The following KIAA1549 variants were observed in gnomAD, a reference collection of about 807,000 sequenced individuals.
KIAA1549 encodes the protein UPF0606 protein KIAA1549.
Under a neutral mutation model 156.4 loss-of-function variants are expected in KIAA1549, and 70 were observed. The observed-to-expected ratio is 0.45, with a 90% CI of 0.37 to 0.55. KIAA1549 has a LOEUF of 0.55. Among genes scored for constraint, KIAA1549 ranks in the 20% least tolerant of loss-of-function variants. The pLI is 0.00. For synonymous variants in KIAA1549, 1,103 were observed against 1,066.4 expected, an observed-to-expected ratio of 1.03 and a Z score of -0.67; for missense variants, 2,428 against 2,540.9, an observed-to-expected ratio of 0.96 and a Z score of 0.96.
chr7:138,889,014 G>A (rs1295748135), intron 10 of KIAA1549, among the ~76,000 whole-genome samples: 8 of 152,112 alleles, frequency 5.3e-5, no homozygotes, highest in Admixed American at 4.6e-4. Context: ...GCCTCTAAGC[G>A]AAAGAAAACA....
rs1813621744 is a variant in KIAA1549, at chr7:138,955,070, A to T, written c.187+26013T>A. On this transcript the variant is annotated intron_variant, in intron 1 of 19. Coordinates refer to ENST00000422774, the MANE Select transcript of KIAA1549 (RefSeq NM_001164665.2). ...GGCTCTGCCATGTCTTCATTCAAAC[A>T]CCGATCAGTGTCCTACTATGTGCCA... 2.0e-5 allele frequency among the ~76,000 whole-genome samples: 3 copies of T among 152,076 alleles called. No homozygotes were observed. In the South Asian group the frequency reaches 6.2e-4, roughly 32 times the overall value.
chr7:138,931,699 C>A (rs532701793), intron 1 of KIAA1549, among the ~76,000 whole-genome samples: 1 of 147,954 alleles, frequency 6.8e-6, no homozygotes. Flanking sequence ...TTGCAGTAAG[C>A]CAAGATTGTA....
In KIAA1549 at chr7:138,832,211, T is replaced by TTTTTTTTTTTTTTTTTTTTTTC. The variant is rs1563039507; in HGVS notation, c.*5694_*5695insGAAAAAAAAAAAAAAAAAAAAA. On this transcript the variant is annotated 3_prime_UTR_variant, in exon 20 of 20. Transcript: ENST00000422774. ...TATTCCTTTTTTTTTTTTTTTTTTT[T>TTTTTTTTTTTTTTTTTTTTTTC]CCAGAGACAGGACCTCACCCTGCAG... 5.5e-6 allele frequency: 1 copy of TTTTTTTTTTTTTTTTTTTTTTC among 182,232 alleles called. No individual in the cohort carries two copies. The highest frequency in any genetic ancestry group is 2.7e-5 in the African/African-American group (1 of 36,854). 11.3% of individuals were successfully genotyped at this position (182,232 alleles called of 1,614,324 possible). A position where few individuals can be genotyped will look rare whatever the true frequency, so the allele number is the denominator to read the frequency against.
At chr7:138,911,027 G>T in intron 4 of KIAA1549, 119 bp downstream of exon 4, 1 of 820,658 alleles carries the variant, frequency 1.2e-6, no homozygotes, top group Non-Finnish European at 1.9e-6. Flanking sequence ...CTGAGATCCT[G>T]TCTCTAAAAA....
intron 18 of KIAA1549, among the ~76,000 whole-genome samples, chr7:138,842,564 G>A (rs968789788): frequency 2.0e-5 from 3 of 152,084 alleles, no homozygotes; most frequent in South Asian, 2.1e-4. Flanking sequence ...GCGGGCACCT[G>A]TAATCCTAAT....
In KIAA1549 at chr7:138,903,990, G is replaced by A. The variant is rs546026804; in HGVS notation, c.3521-254C>T. Among the ~76,000 whole-genome samples, 44 of 152,300 alleles carry A rather than the reference G, an allele frequency of 2.9e-4. 4 individuals are homozygous for A. Among genetic ancestry groups the A allele is most frequent in the African/African-American group, 9.9e-4 (41 of 41,570 alleles). ...AGTCCAGGAAATGCAGCCCACAAGAGCTCCAAGCTCTCAGTGTTACCCAGA... is the reference window on the plus strand; with the variant it reads ...AGTCCAGGAAATGCAGCCCACAAGAACTCCAAGCTCTCAGTGTTACCCAGA... On this transcript the variant is annotated intron_variant, in intron 7 of 19. Coordinates refer to ENST00000422774, the MANE Select transcript of KIAA1549 (RefSeq NM_001164665.2).
chr7:138,914,584 T>G (rs1486882036), intron 2 of KIAA1549, among the ~76,000 whole-genome samples: 1 of 152,104 alleles, frequency 6.6e-6, no homozygotes, highest in African/African-American at 2.4e-5. Context: ...ACTCTCTCAC[T>G]AACGGACAAC....
Position 138,871,325 on chromosome 7 carries a change from T to A in KIAA1549, c.4383A>T (p.Ser1461=). 1 of 1,595,344 alleles carries A rather than the reference T, an allele frequency of 6.3e-7. No homozygotes were observed. Among genetic ancestry groups the A allele is most frequent in the Non-Finnish European group, 8.5e-7 (1 of 1,170,542 alleles). The stretch of plus-strand genomic sequence containing the variant: ...CCACGTGCTCGAAGATGGAGGCTGA[T>A]GAGTGCTGCTCATTTCCCGAACTGG... The part of the protein sequence containing the change: ...PLPSSGNEQH[S]SASIFEHVDR... The change falls in exon 13 of 20, where the codon TCA becomes TCT. Residue 1461 remains serine, a synonymous_variant. Coordinates refer to ENST00000422774, the MANE Select transcript of KIAA1549 (RefSeq NM_001164665.2).
chr7:138,943,987 G>T (rs1036582922), intron 1 of KIAA1549, among the ~76,000 whole-genome samples: 9 of 150,378 alleles, frequency 6.0e-5, no homozygotes, highest in African/African-American at 2.2e-4. Context: ...GGGTGGCCTT[G>T]AACTCCTGGG....
At chr7:138,842,693 C>CAAA (rs34144804) in intron 18 of KIAA1549, among the ~76,000 whole-genome samples, 6 of 140,634 alleles carry the variant, frequency 4.3e-5, no homozygotes, top group African/African-American at 1.1e-4. Flanking sequence ...AACTCTGTCT[C>CAAA]AAAAAAAAAA....
chr7:138,881,969 A>T (rs983064168), intron 10 of KIAA1549, among the ~76,000 whole-genome samples: 11 of 152,228 alleles, frequency 7.2e-5, no homozygotes, highest in Admixed American at 6.5e-4. Flanking sequence ...GTTCTAGATC[A>T]TATCAGGAAG....
At chr7:138,844,796 C>T (rs909433740) in intron 17 of KIAA1549, among the ~76,000 whole-genome samples, 81 of 152,024 alleles carry the variant, frequency 5.3e-4, no homozygotes, top group African/African-American at 1.8e-3. Flanking sequence ...CTGGCGGGCC[C>T]GAAAAAATCA....
rs1584973619 is a variant in KIAA1549 at position 138,832,174 on chromosome 7, G to GTCCCTTTT, written c.*5724_*5731dup. On this transcript the variant is annotated 3_prime_UTR_variant, in exon 20 of 20. Transcript: ENST00000422774. ...TCAAGTCACTCAAAATTTCACCTCT[G>GTCCCTTTT]TCCCTTTTACCTATTCCTTTTTTTT... 1 of 186,670 alleles carries GTCCCTTTT rather than the reference G, an allele frequency of 5.4e-6. No homozygotes were observed. The highest frequency in any genetic ancestry group is 7.0e-5 in the East Asian group (1 of 14,364). The allele number at this position is 186,670 out of a possible 1,614,324, so 11.6% of individuals were successfully genotyped here. A position where few individuals can be genotyped will look rare whatever the true frequency, so the allele number is the denominator to read the frequency against.
intron 12 of KIAA1549, among the ~76,000 whole-genome samples, chr7:138,877,446 A>G (rs1422951250): frequency 1.3e-5 from 2 of 152,234 alleles, no homozygotes; most frequent in Non-Finnish European, 2.9e-5. Flanking sequence ...GTGAGCCAAG[A>G]TAGCACCACT....
chr7:138,939,769 C>T (rs904070129), intron 1 of KIAA1549, among the ~76,000 whole-genome samples: 16 of 152,212 alleles, frequency 1.1e-4, no homozygotes, highest in Non-Finnish European at 1.9e-4. Flanking sequence ...CAACTCTTCA[C>T]ATAATGACTA....
At chr7:138,957,549 C>T (rs572260494) in intron 1 of KIAA1549, among the ~76,000 whole-genome samples, 1 of 151,178 alleles carries the variant, frequency 6.6e-6, no homozygotes, top group East Asian at 2.0e-4. Context: ...ATGGTCTCAG[C>T]TCACTGCAAC....
Position 138,966,392 on chromosome 7 carries a change from C to CTA in KIAA1549, c.187+14689_187+14690dup, listed in dbSNP as rs61599396. Among the ~76,000 whole-genome samples, 1,141 of 151,654 alleles carry CTA rather than the reference C, an allele frequency of 7.5e-3. 13 individuals are homozygous for CTA. The highest frequency in any genetic ancestry group is 0.024 in the African/African-American group (998 of 41,336). Reference sequence around the variant, plus strand: ...TAGAGGGACAGAACTAATAGGATAGCTATATATATATACACACAGAGGAGT... The same window carrying CTA: ...TAGAGGGACAGAACTAATAGGATAGCTATATATATATATACACACAGAGGAGT... On this transcript the variant is annotated intron_variant, in intron 1 of 19. Transcript: ENST00000422774.
At position 138,880,684 on chromosome 7, in the gene KIAA1549, C is replaced by A. The variant is rs79558015; in HGVS notation, c.4229+704G>T. On this transcript the variant is annotated intron_variant, in intron 11 of 19. Transcript: ENST00000422774. ...GATGATGGAAAGTCAACTTAATAAACCCGATTCTGAACTCTGTCTTCTTTC... is the reference window on the plus strand; with the variant it reads ...GATGATGGAAAGTCAACTTAATAAAACCGATTCTGAACTCTGTCTTCTTTC... Among the ~76,000 whole-genome samples the A allele has an allele frequency of 2.3e-3, 353 of 152,284 alleles. 5 individuals carry two copies. The East Asian group carries it at 0.038, about 17-fold the overall frequency.
intron 9 of KIAA1549, among the ~76,000 whole-genome samples, chr7:138,895,065 C>T (rs1322438412): frequency 6.6e-6 from 1 of 152,216 alleles, no homozygotes; most frequent in African/African-American, 2.4e-5. Context: ...CCTCACTACT[C>T]CAAGTTTCTC....
Sources: gnomAD v4.1 joint callset for allele counts (sites outside exome capture counted in the v4.1 genomes callset) on GRCh38, gnomAD v4.1.1 for gene constraint, MANE v1.5 for transcripts, NCBI Gene and HGNC (gene_info 2026-07-23, HGNC 2026-07-21) for gene names.